The following LRRC31 variants were observed in gnomAD, a reference collection of about 807,000 sequenced individuals.
The protein encoded by LRRC31 is leucine-rich repeat-containing protein 31.
LRRC31 carries 35 observed loss-of-function variants against 46.7 expected under a neutral mutation model. The ratio of observed to expected loss-of-function variants is 0.75; its 90% CI spans 0.57 to 0.99. The LOEUF is 0.99. Among genes scored for constraint, LRRC31 ranks in the 50% least tolerant of loss-of-function variants. The pLI, the probability that LRRC31 is intolerant of heterozygous loss-of-function variation, is 0.00. For synonymous variants in LRRC31, 236 were observed against 235.1 expected (o/e 1.00, Z -0.03); for missense variants, 613 against 626.1 (o/e 0.98, Z 0.22).
chr3:169,842,052 A>T (rs1266579715), intron 8 of LRRC31, among the ~76,000 whole-genome samples: 2 of 152,142 alleles, frequency 1.3e-5, no homozygotes, highest in African/African-American at 2.4e-5. Context: ...CTCAGAAAAA[A>T]ATAAAATAAA....
At chr3:169,861,915 T>C in intron 1 of LRRC31, 102 bp from the exon 2 acceptor site, 2 of 1,256,402 alleles carry the variant, frequency 1.6e-6, no homozygotes, top group South Asian at 1.5e-5. Flanking sequence ...TAACTCTGAA[T>C]TGCTCTTTTA....
rs914984425 is a variant in LRRC31 at position 169,865,407 on chromosome 3, C to T, written c.176-3594G>A. 3.3e-5 allele frequency among the ~76,000 whole-genome samples: 5 copies of T among 152,022 alleles called. No individual in the cohort carries two copies. In the East Asian group the frequency reaches 5.8e-4, roughly 18 times the overall value. ...GGCGCATTAGTAACCACACAGGAGCCGCTCTGTGGAGATTGAGGCCTTTTC... is the reference window on the plus strand; with the variant it reads ...GGCGCATTAGTAACCACACAGGAGCTGCTCTGTGGAGATTGAGGCCTTTTC... On this transcript the variant is annotated intron_variant, in intron 1 of 8. Coordinates refer to ENST00000316428, the MANE Select transcript of LRRC31 (RefSeq NM_024727.4).
chr3:169,843,339 C>T (rs1365581286), intron 8 of LRRC31, among the ~76,000 whole-genome samples: 1 of 152,158 alleles, frequency 6.6e-6, no homozygotes, highest in African/African-American at 2.4e-5. Context: ...GCAAGGTCCT[C>T]GACTCTGTCA....
At chr3:169,857,409 C>CATATATATATATATATATATATATATAT (rs1443485895) in intron 3 of LRRC31, among the ~76,000 whole-genome samples, 2 of 65,980 alleles carry the variant, frequency 3.0e-5, no homozygotes, top group African/African-American at 1.2e-4. Flanking sequence ...CACACATATA[C>CATATATATATATATATATATATATATAT]ATATACATAT....
chr3:169,856,559 C>A lies in LRRC31; in HGVS notation c.656-56G>T, dbSNP rs186886576. ...TAGGTAGGAGGGGAGTGGAGTTTTA[C>A]ATCACCTGGGGATATCGTGACGTAA... On this transcript the variant is annotated intron_variant, in intron 4 of 8. Transcript: ENST00000316428. 7,067 of 1,444,050 alleles carry A rather than the reference C, an allele frequency of 4.9e-3. 259 individuals carry two copies. In the African/African-American group the frequency reaches 0.087, roughly 18 times the overall value. The allele number at this position is 1,444,050 out of a possible 1,614,324, so 89.5% of individuals were successfully genotyped here.
rs1780583284 is a variant in LRRC31, at chr3:169,845,675, C to T, written c.1327+2445G>A. 2.0e-5 allele frequency among the ~76,000 whole-genome samples: 3 copies of T among 152,122 alleles called. No homozygotes were observed. In the South Asian group the frequency reaches 6.2e-4, roughly 32 times the overall value. On this transcript the variant is annotated intron_variant, in intron 8 of 8. Coordinates refer to ENST00000316428, the MANE Select transcript of LRRC31 (RefSeq NM_024727.4). The stretch of plus-strand genomic sequence containing the variant: ...AATATGCAAAAATATTAACCTCTAC[C>T]CATACCTCATACCTTATATAAAAAT...
intron 2 of LRRC31, 82 bp downstream of exon 2, chr3:169,861,588 G>A (rs1781161998): frequency 5.6e-6 from 8 of 1,429,838 alleles, no homozygotes; most frequent in Non-Finnish European, 7.6e-6. Flanking sequence ...GGGTTACTAG[G>A]TGGGTAGCTG....
At position 169,839,992 on chromosome 3, in the gene LRRC31, C is replaced by T. The variant is rs747415067; in HGVS notation, c.1649G>A (p.Gly550Glu). 4.5e-5 allele frequency: 72 copies of T among 1,609,554 alleles called. No homozygotes were observed. Among genetic ancestry groups the T allele is most frequent in the Non-Finnish European group, 6.0e-5 (71 of 1,177,678 alleles). The change falls in exon 9 of 9, where the codon GGG (glycine) becomes GAG (glutamate). Residue 550 changes from glycine to glutamate, a missense_variant. Transcript: ENST00000316428. Reference sequence around the variant, plus strand: ...ACATGGGAAATCAGTTTACTGAAACCCACCATGGTCAAAGTGAATGCTTCT... The same window carrying T: ...ACATGGGAAATCAGTTTACTGAAACTCACCATGGTCAAAGTGAATGCTTCT... The part of the protein sequence containing the change: ...KKRSIHFDHG[G>E]FQ
rs1386790946 is a variant in LRRC31, at chr3:169,848,135, C to T, written c.1312G>A (p.Asp438Asn). The change falls in exon 8 of 9, where the codon GAT (aspartate) becomes AAT (asparagine). Residue 438 changes from aspartate (D) to asparagine (N), a missense_variant. Physicochemically the swap from Asp to Asn is conservative, Grantham distance 23. Coordinates refer to ENST00000316428, the MANE Select transcript of LRRC31 (RefSeq NM_024727.4). ...RLSSCSLVTE[D>N]VALLASVIQT... ...AGATACACACCCAGGAGAGCCACATCCTCTGTCACCAGGGAACAGCTGCTC... is the reference window on the plus strand; with the variant it reads ...AGATACACACCCAGGAGAGCCACATTCTCTGTCACCAGGGAACAGCTGCTC... The T allele has an allele frequency of 6.2e-7, 1 of 1,613,462 alleles. No individual in the cohort carries two copies. Among genetic ancestry groups the T allele is most frequent in the African/African-American group, 1.3e-5 (1 of 74,920 alleles).
chr3:169,869,789 T>C lies in LRRC31; in HGVS notation c.19A>G (p.Lys7Glu), dbSNP rs1781442028. The stretch of plus-strand genomic sequence containing the variant: ...TTAGTTTCTCCTTCTGAGGAAGTTT[T>C]CTTCCTTGTTTGACTCATGGTGAAG... Reference protein sequence around the residue: MSQTRKKTSSEGETKPQ... With the variant: MSQTRKETSSEGETKPQ... Residue 7 changes from lysine to glutamate, a missense_variant, in exon 1 of 9, where the codon AAA becomes GAA. Coordinates refer to ENST00000316428, the MANE Select transcript of LRRC31 (RefSeq NM_024727.4). The C allele has an allele frequency of 1.9e-6, 3 of 1,612,522 alleles. No individual in the cohort carries two copies. The highest frequency in any genetic ancestry group is 1.7e-5 in the Admixed American group (1 of 59,832).
intron 3 of LRRC31, among the ~76,000 whole-genome samples, chr3:169,860,143 C>CA (rs1262072810): frequency 2.6e-5 from 4 of 151,246 alleles, no homozygotes; most frequent in East Asian, 1.9e-4. Context: ...GCCTCCATCT[C>CA]AAAAAAATAA....
At chr3:169,847,238 T>G (rs1445574373) in intron 8 of LRRC31, among the ~76,000 whole-genome samples, 1 of 152,206 alleles carries the variant, frequency 6.6e-6, no homozygotes, top group Non-Finnish European at 1.5e-5. Flanking sequence ...CAGGCTGGAG[T>G]GCAGTGGCAC....
At chr3:169,863,639 C>G (rs777329837) in intron 1 of LRRC31, among the ~76,000 whole-genome samples, 1 of 152,194 alleles carries the variant, frequency 6.6e-6, no homozygotes, top group Non-Finnish European at 1.5e-5. Context: ...ACCTTTCACT[C>G]TCGCCTTCCG....
intron 8 of LRRC31, among the ~76,000 whole-genome samples, chr3:169,840,585 G>T (rs9831336): frequency 6.6e-6 from 1 of 151,604 alleles, no homozygotes; most frequent in African/African-American, 2.4e-5. Flanking sequence ...ACTGAAGTCC[G>T]AGCTCTTCCT....
chr3:169,865,854 G>T (rs1174152307), intron 1 of LRRC31, among the ~76,000 whole-genome samples: 1 of 152,080 alleles, frequency 6.6e-6, no homozygotes, highest in Non-Finnish European at 1.5e-5. Flanking sequence ...GATAAGTCGG[G>T]GGGTTGCAGG....
chr3:169,856,477 G>T lies in LRRC31; in HGVS notation c.682C>A (p.Leu228Ile). The T allele has an allele frequency of 6.2e-7, 1 of 1,601,814 alleles. No individual in the cohort carries two copies. Among genetic ancestry groups the T allele is most frequent in the South Asian group, 1.1e-5 (1 of 88,958 alleles). Reference protein sequence around the residue: ...LGQLLPMLQSLEVLDLSINRD... With the variant: ...LGQLLPMLQSIEVLDLSINRD... ...TTAATGGAAAGATCAAGTACTTCGA[G>T]ACTTTGCAGCATAGGTAGCAGTTGA... The change falls in exon 5 of 9, where the codon CTC (leucine) becomes ATC (isoleucine). Residue 228 changes from leucine to isoleucine, a missense_variant. Leu to Ile is a conservative substitution (Grantham distance 5, BLOSUM62 2). Coordinates refer to ENST00000316428, the MANE Select transcript of LRRC31 (RefSeq NM_024727.4).
At position 169,868,418 on chromosome 3, in the gene LRRC31, G is replaced by A. The variant is rs565990371; in HGVS notation, c.175+1215C>T. On this transcript the variant is annotated intron_variant, in intron 1 of 8. Transcript: ENST00000316428. Reference sequence around the variant, plus strand: ...TCTTTCCTCCACCCCCATCTAAATAGCACCCCATCCCATCATTCTTTGTCT... The same window carrying A: ...TCTTTCCTCCACCCCCATCTAAATAACACCCCATCCCATCATTCTTTGTCT... Among the ~76,000 whole-genome samples, 59 of 152,186 alleles carry A rather than the reference G, an allele frequency of 3.9e-4. 1 individual carries two copies. The highest frequency in any genetic ancestry group is 7.2e-4 in the Non-Finnish European group (49 of 68,022).
rs1490668289 is a variant in LRRC31, at chr3:169,861,386, AAAAAAG to A, written c.319+278_319+283del. Among the ~76,000 whole-genome samples, 113 of 127,090 alleles carry A rather than the reference AAAAAAG, an allele frequency of 8.9e-4. 2 individuals carry two copies. In the East Asian group the frequency reaches 0.01, roughly 12 times the overall value. The allele number at this position is 127,090 out of a possible 152,430, so 83.4% of individuals were successfully genotyped here. A position where few individuals can be genotyped will look rare whatever the true frequency, so the allele number is the denominator to read the frequency against. ...CTGGCCTTTTTCTTAAAAAAAAAAG[AAAAAAG>A]AAAAAAGAAAAAACCTACTCGGGAG... is the stretch of plus-strand genomic sequence containing the variant. On this transcript the variant is annotated intron_variant, in intron 2 of 8. Transcript: ENST00000316428.
intron 6 of LRRC31, chr3:169,853,628 C>A: frequency 2.0e-6 from 2 of 985,840 alleles, no homozygotes; most frequent in South Asian, 9.4e-5. Flanking sequence ...ATGGTAGGAA[C>A]CCATAATGCT....
Sources: allele counts gnomAD v4.1 joint callset (sites outside exome capture counted in the v4.1 genomes callset), GRCh38; gene constraint gnomAD v4.1.1; transcripts MANE v1.5; gene names NCBI Gene and HGNC (gene_info 2026-07-23, HGNC 2026-07-21).